The following DPYD variants were observed in gnomAD, a reference collection of about 807,000 sequenced individuals.
DPYD encodes dihydropyrimidine dehydrogenase [NADP(+)].
DPYD carries 109 observed loss-of-function variants against 116.2 expected under a neutral mutation model. The ratio of observed to expected loss-of-function variants is 0.94; its 90% CI spans 0.80 to 1.10. The LOEUF is 1.10. Ranked by LOEUF, DPYD falls within the 50% of genes least tolerant of loss-of-function variation. The pLI is 0.00. For synonymous variants in DPYD, 440 were observed against 432.0 expected (o/e 1.02, Z -0.23); for missense variants, 1,302 against 1,254.5 (o/e 1.04, Z -0.57).
chr1:97,783,874 T>A (rs927594237), intron 3 of DPYD, among the ~76,000 whole-genome samples: 5 of 152,152 alleles, frequency 3.3e-5, no homozygotes, highest in Admixed American at 2.0e-4. Flanking sequence ...ACAGAAAGCA[T>A]CAGCTTTTCC....
At chr1:97,471,184 G>A (rs1405516973) in intron 13 of DPYD, among the ~76,000 whole-genome samples, 1 of 152,160 alleles carries the variant, frequency 6.6e-6, no homozygotes, top group East Asian at 1.9e-4. Context: ...TATGTATAAT[G>A]AGATCAAACA....
At chr1:97,637,038 T>C (rs150495316) in intron 8 of DPYD, among the ~76,000 whole-genome samples, 100 of 152,186 alleles carry the variant, frequency 6.6e-4, no homozygotes, top group African/African-American at 2.1e-3. Flanking sequence ...AAAAAAACAT[T>C]GTTGGAGCTT....
chr1:97,158,469 C>CAGACA (rs1450882944), intron 20 of DPYD, among the ~76,000 whole-genome samples: 93 of 51,040 alleles, frequency 1.8e-3, no homozygotes, highest in Middle Eastern at 0.011. Flanking sequence ...AGATAACTCA[C>CAGACA]CAGACACACA....
intron 18 of DPYD, among the ~76,000 whole-genome samples, chr1:97,250,126 C>T (rs1467047587): frequency 4.6e-5 from 7 of 151,746 alleles, no homozygotes; most frequent in South Asian, 2.1e-4. Context: ...AAAAATAAGC[C>T]GGGTGTGGTG....
intron 10 of DPYD, among the ~76,000 whole-genome samples, chr1:97,592,150 G>A (rs769690370): frequency 3.9e-5 from 6 of 152,116 alleles, no homozygotes; most frequent in Non-Finnish European, 8.8e-5. Flanking sequence ...GCATTCCGAA[G>A]CAAGTCAAGT....
At chr1:97,215,777 G>A (rs1432051788) in intron 19 of DPYD, among the ~76,000 whole-genome samples, 2 of 152,070 alleles carry the variant, frequency 1.3e-5, no homozygotes, top group Non-Finnish European at 2.9e-5. Context: ...CGTGACTGGC[G>A]CTAAAATATA....
intron 10 of DPYD, among the ~76,000 whole-genome samples, chr1:97,585,037 G>A (rs7530645): frequency 0.012 from 1,770 of 151,598 alleles, 40 homozygotes; most frequent in African/African-American, 0.04. Flanking sequence ...ATGTACATAC[G>A]TAAAATTATA....
chr1:97,337,031 G>C (rs1039702724), intron 16 of DPYD, among the ~76,000 whole-genome samples: 10 of 152,158 alleles, frequency 6.6e-5, no homozygotes, highest in African/African-American at 2.4e-4. Flanking sequence ...GTAGGAGAAA[G>C]CACAGACAGA....
chr1:97,144,202 A>G (rs1159557847), intron 20 of DPYD, among the ~76,000 whole-genome samples: 2 of 152,240 alleles, frequency 1.3e-5, no homozygotes, highest in Non-Finnish European at 2.9e-5. Context: ...ATGCAGAGAC[A>G]TAGGCAAATG....
In DPYD at chr1:97,782,677, T is replaced by C. The variant is rs1287207500; in HGVS notation, c.234-42198A>G. ...GCAAGACCAGTGAATGAAAAACAACTCAGAAATTGACCACAAATTCAGTGC... is the reference window on the plus strand; with the variant it reads ...GCAAGACCAGTGAATGAAAAACAACCCAGAAATTGACCACAAATTCAGTGC... On this transcript the variant is annotated intron_variant, in intron 3 of 22. Transcript: ENST00000370192. 2.0e-5 allele frequency among the ~76,000 whole-genome samples: 3 copies of C among 152,188 alleles called. No homozygotes were observed. The East Asian group carries it at 5.8e-4, about 29-fold the overall frequency.
intron 19 of DPYD, among the ~76,000 whole-genome samples, chr1:97,211,800 T>A (rs1213978293): frequency 6.6e-6 from 1 of 152,096 alleles, no homozygotes; most frequent in Admixed American, 6.6e-5. Context: ...ATTTTTAAAT[T>A]TGGCAAGGTT....
intron 2 of DPYD, among the ~76,000 whole-genome samples, chr1:97,843,517 G>C (rs1286495456): frequency 6.6e-6 from 1 of 152,058 alleles, no homozygotes; most frequent in Non-Finnish European, 1.5e-5. Flanking sequence ...TTACAATATT[G>C]ACTGTGTGAG....
intron 13 of DPYD, among the ~76,000 whole-genome samples, chr1:97,458,028 C>G (rs745890031): frequency 6.6e-6 from 1 of 152,238 alleles, no homozygotes; most frequent in African/African-American, 2.4e-5. Flanking sequence ...CTCTGCCAAA[C>G]GGTAATTAAC....
chr1:97,677,600 C>T (rs1466525111), intron 8 of DPYD, among the ~76,000 whole-genome samples: 1 of 152,056 alleles, frequency 6.6e-6, no homozygotes, highest in Non-Finnish European at 1.5e-5. Flanking sequence ...GATCTTGCCT[C>T]CTTCCTACTT....
intron 10 of DPYD, among the ~76,000 whole-genome samples, chr1:97,592,307 G>C (rs1030861357): frequency 6.6e-6 from 1 of 152,004 alleles, no homozygotes; most frequent in Non-Finnish European, 1.5e-5. Context: ...GTAAATAGCC[G>C]ATACCTCACC....
In DPYD at chr1:97,500,730, A is replaced by T. The variant is rs574612316; in HGVS notation, c.1740+14996T>A. Among the ~76,000 whole-genome samples, 5 of 152,188 alleles carry T rather than the reference A, an allele frequency of 3.3e-5. No individual in the cohort carries two copies. In the South Asian group the frequency reaches 1.0e-3, roughly 32 times the overall value. ...AATTTAGGCTTCAGATGCATTTCTC[A>T]ATTGCTCACTGCAGAATAGCTGCAG... On this transcript the variant is annotated intron_variant, in intron 13 of 22. Transcript: ENST00000370192.
chr1:97,276,744 A>G (rs1392852701), intron 18 of DPYD, among the ~76,000 whole-genome samples: 2 of 152,038 alleles, frequency 1.3e-5, no homozygotes, highest in African/African-American at 4.8e-5. Flanking sequence ...GGGAATGCTT[A>G]TACACTGTTG....
At chr1:97,700,688 A>C (rs950736222) in intron 5 of DPYD, among the ~76,000 whole-genome samples, 2 of 152,088 alleles carry the variant, frequency 1.3e-5, no homozygotes, top group East Asian at 3.8e-4. Context: ...GCCTGCAAGA[A>C]AAATAAACCT....
At chr1:97,768,076 G>C (rs182415397) in intron 3 of DPYD, among the ~76,000 whole-genome samples, 2 of 152,208 alleles carry the variant, frequency 1.3e-5, no homozygotes, top group Admixed American at 1.3e-4. Flanking sequence ...ACATAACCCA[G>C]AGAGACAGCA....
Sources: gnomAD v4.1 joint callset for allele counts (sites outside exome capture counted in the v4.1 genomes callset) on GRCh38, gnomAD v4.1.1 for gene constraint, MANE v1.5 for transcripts, NCBI Gene and HGNC (gene_info 2026-07-23, HGNC 2026-07-21) for gene names.